The following KLF12 variants were observed in gnomAD, a reference collection of about 807,000 sequenced individuals.
The protein encoded by KLF12 is KLF transcription factor 12.
In KLF12, 9 loss-of-function variants were observed where a neutral mutation model predicts 37.8. That is an observed-to-expected ratio of 0.24 (90% CI 0.14 to 0.42). KLF12 has a LOEUF of 0.42. Among genes scored for constraint, KLF12 ranks in the 10% least tolerant of loss-of-function variants. The pLI is 1.00. For missense variants in KLF12, 411 were observed against 516.0 expected, an observed-to-expected ratio of 0.80 and a Z score of 1.97; for synonymous variants, 208 against 202.1, an observed-to-expected ratio of 1.03 and a Z score of -0.25.
intron 1 of KLF12, among the ~76,000 whole-genome samples, chr13:74,015,113 A>T (rs1296864051): frequency 6.6e-6 from 1 of 152,192 alleles, no homozygotes; most frequent in East Asian, 1.9e-4. Flanking sequence ...GATTATATAC[A>T]TCTAATTGTA....
chr13:74,050,808 C>T (rs1256676724), intron 1 of KLF12, among the ~76,000 whole-genome samples: 1 of 152,058 alleles, frequency 6.6e-6, no homozygotes, highest in African/African-American at 2.4e-5. Flanking sequence ...ATAATATCTG[C>T]TAAACATTCA....
At chr13:74,102,677 A>G (rs1876425902) in intron 1 of KLF12, among the ~76,000 whole-genome samples, 1 of 151,932 alleles carries the variant, frequency 6.6e-6, no homozygotes, top group Non-Finnish European at 1.5e-5. Flanking sequence ...CAGCCTGGGC[A>G]ACATAGTGAA....
At chr13:73,910,135 C>G (rs536122803) in intron 3 of KLF12, among the ~76,000 whole-genome samples, 21 of 152,248 alleles carry the variant, frequency 1.4e-4, no homozygotes, top group African/African-American at 5.1e-4. Flanking sequence ...TAAGTCTCCT[C>G]CACTGGCCCA....
chr13:74,274,316 C>G, the KLF12 span, among the ~76,000 whole-genome samples: 1 of 152,160 alleles, frequency 6.6e-6, no homozygotes, highest in Non-Finnish European at 1.5e-5. Context: ...GCTCATACGT[C>G]TTCTTTCTCT....
chr13:73,695,923 T>A (rs533552822), intron 7 of KLF12, among the ~76,000 whole-genome samples: 7 of 152,110 alleles, frequency 4.6e-5, no homozygotes, highest in African/African-American at 1.7e-4. Flanking sequence ...CATCAACATA[T>A]AAAGGCATGG....
chr13:73,723,258 T>C (rs1876410384), intron 6 of KLF12, among the ~76,000 whole-genome samples: 1 of 152,202 alleles, frequency 6.6e-6, no homozygotes, highest in South Asian at 2.1e-4. Context: ...AGCTACTCTG[T>C]GGGGAATGTC....
the KLF12 span, chr13:74,258,966 A>T: frequency 6.6e-6 from 1 of 152,314 alleles, no homozygotes; most frequent in Non-Finnish European, 1.5e-5. Context: ...GACTGAGTAG[A>T]ACATGCCCCA....
chr13:73,994,626 A>G lies in KLF12; in HGVS notation c.33+364T>C, dbSNP rs1336760544. ...ACCATATGGCACTGGTATTAGAATT[A>G]TGTTTGTAGAAAACTGATGTATATT... On this transcript the variant is annotated intron_variant, in intron 2 of 7. Coordinates refer to ENST00000377669, the MANE Select transcript of KLF12 (RefSeq NM_007249.5). Among the ~76,000 whole-genome samples, 4 of 152,192 alleles carry G rather than the reference A, an allele frequency of 2.6e-5. No individual in the cohort carries two copies. In the East Asian group the frequency reaches 5.8e-4, roughly 22 times the overall value.
the KLF12 span, among the ~76,000 whole-genome samples, chr13:74,183,798 A>T: frequency 6.6e-6 from 1 of 152,082 alleles, no homozygotes; most frequent in South Asian, 2.1e-4. Context: ...TTAGCTGGGC[A>T]TGGTGGCACA....
At chr13:73,938,701 T>A (rs897406975) in intron 3 of KLF12, among the ~76,000 whole-genome samples, 4 of 152,206 alleles carry the variant, frequency 2.6e-5, no homozygotes, top group Non-Finnish European at 5.9e-5. Flanking sequence ...TTGTTATTAA[T>A]GTCCTGCAGA....
At chr13:74,035,661 T>C (rs1158313109) in intron 1 of KLF12, among the ~76,000 whole-genome samples, 5 of 152,178 alleles carry the variant, frequency 3.3e-5, no homozygotes, top group African/African-American at 1.2e-4. Context: ...ATCATAATCA[T>C]TCTAAAAATT....
chr13:74,013,150 G>A (rs1892592706), intron 1 of KLF12, among the ~76,000 whole-genome samples: 1 of 152,172 alleles, frequency 6.6e-6, no homozygotes, highest in South Asian at 2.1e-4. Flanking sequence ...CCTAACCTTG[G>A]GACATCCTGG....
At chr13:73,704,395 C>T (rs994755368) in intron 7 of KLF12, among the ~76,000 whole-genome samples, 11 of 152,244 alleles carry the variant, frequency 7.2e-5, no homozygotes, top group Non-Finnish European at 5.9e-5. Flanking sequence ...ACTCAGGTAC[C>T]AAATCGTCAA....
At chr13:74,217,584 G>A in the KLF12 span, among the ~76,000 whole-genome samples, 4 of 151,964 alleles carry the variant, frequency 2.6e-5, no homozygotes, top group African/African-American at 4.8e-5. Flanking sequence ...AAAATTAGCC[G>A]GGCGTGGTGG....
chr13:73,922,654 C>G (rs1889171056), intron 3 of KLF12, among the ~76,000 whole-genome samples: 1 of 152,170 alleles, frequency 6.6e-6, no homozygotes, highest in African/African-American at 2.4e-5. Flanking sequence ...CCCAGAAACA[C>G]AGCATCTCTG....
intron 6 of KLF12, among the ~76,000 whole-genome samples, chr13:73,727,151 T>G (rs569636394): frequency 3.3e-5 from 5 of 152,342 alleles, no homozygotes; most frequent in African/African-American, 1.2e-4. Context: ...TAAGATTTCT[T>G]TATATATTCT....
At chr13:74,272,813 A>G in the KLF12 span, among the ~76,000 whole-genome samples, 1 of 152,178 alleles carries the variant, frequency 6.6e-6, no homozygotes, top group East Asian at 1.9e-4. Context: ...CTCAAGAAGT[A>G]TCATTTTCCT....
chr13:74,274,822 T>C, the KLF12 span, among the ~76,000 whole-genome samples: 6 of 152,180 alleles, frequency 3.9e-5, no homozygotes, highest in Admixed American at 3.3e-4. Context: ...TAGTTTTTCA[T>C]AGGAAATAAA....
intron 1 of KLF12, among the ~76,000 whole-genome samples, chr13:74,092,626 C>T (rs1315068868): frequency 6.8e-6 from 1 of 147,374 alleles, no homozygotes; most frequent in Non-Finnish European, 1.5e-5. Context: ...ACTCAAAAAA[C>T]AAAAAAACAA....
Sources: allele counts gnomAD v4.1 joint callset (sites outside exome capture counted in the v4.1 genomes callset), GRCh38; gene constraint gnomAD v4.1.1; transcripts MANE v1.5; gene names NCBI Gene and HGNC (gene_info 2026-07-23, HGNC 2026-07-21).